The following CNTN1 variants were observed in gnomAD, a reference collection of about 807,000 sequenced individuals.
The protein encoded by CNTN1 is contactin-1.
A neutral mutation model predicts 126.4 loss-of-function variants in CNTN1; 38 were observed. The ratio of observed to expected loss-of-function variants is 0.30; its 90% CI spans 0.23 to 0.39. The LOEUF (loss-of-function observed/expected upper bound fraction) is 0.39. CNTN1 is among the 10% of genes least tolerant of loss of function. CNTN1 has a pLI of 1.00. For missense variants in CNTN1, 1,009 were observed against 1,248.4 expected (o/e 0.81, Z 2.89); for synonymous variants, 413 against 422.6 (o/e 0.98, Z 0.28).
At chr12:40,952,708 T>C (rs1355899017) in intron 14 of CNTN1, among the ~76,000 whole-genome samples, 2 of 152,142 alleles carry the variant, frequency 1.3e-5, no homozygotes, top group Admixed American at 6.6e-5. Context: ...TTAACCCTAA[T>C]TAAATATCTG....
intron 14 of CNTN1, among the ~76,000 whole-genome samples, chr12:40,952,699 T>A (rs528744487): frequency 6.6e-6 from 1 of 152,238 alleles, no homozygotes; most frequent in South Asian, 2.1e-4. Context: ...GACACCTAGT[T>A]AACCCTAATT....
chr12:40,973,114 G>T (rs1034824705), intron 15 of CNTN1, among the ~76,000 whole-genome samples: 4 of 151,984 alleles, frequency 2.6e-5, no homozygotes, highest in Non-Finnish European at 5.9e-5. Context: ...AATTATACAG[G>T]TTCATTTATC....
At chr12:40,867,783 A>G (rs539798062) in intron 1 of CNTN1, among the ~76,000 whole-genome samples, 2 of 152,130 alleles carry the variant, frequency 1.3e-5, no homozygotes, top group Admixed American at 1.3e-4. Context: ...TTTACTTTGA[A>G]TGAATTTTTT....
At chr12:41,040,566 T>C (rs1234025347) in intron 23 of CNTN1, among the ~76,000 whole-genome samples, 1 of 152,166 alleles carries the variant, frequency 6.6e-6, no homozygotes, top group East Asian at 1.9e-4. Flanking sequence ...TTCTTCCATT[T>C]CTTTGTATCC....
intron 1 of CNTN1, among the ~76,000 whole-genome samples, chr12:40,805,008 C>CA (rs1230893851): frequency 6.6e-6 from 1 of 151,904 alleles, no homozygotes; most frequent in Admixed American, 6.6e-5. Context: ...CAGTTACTGA[C>CA]AAAAAAGTCT....
intron 7 of CNTN1, among the ~76,000 whole-genome samples, chr12:40,931,284 C>T (rs1406787737): frequency 1.3e-5 from 2 of 151,966 alleles, no homozygotes; most frequent in South Asian, 2.1e-4. Context: ...CCTCTTCTGC[C>T]TTTCATGAAC....
intron 17 of CNTN1, among the ~76,000 whole-genome samples, chr12:41,003,132 T>C (rs1948406883): frequency 1.3e-5 from 2 of 152,212 alleles, no homozygotes; most frequent in South Asian, 4.1e-4. Context: ...ATACCTAGTA[T>C]ATTGACAGTT....
chr12:41,033,362 C>A (rs166805), intron 23 of CNTN1, among the ~76,000 whole-genome samples: 25,069 of 151,918 alleles, frequency 0.17, 2,963 homozygotes, highest in African/African-American at 0.33. Context: ...TATTAATTTC[C>A]ATAAGCTAAT....
At chr12:40,898,766 C>T (rs760516099) in intron 1 of CNTN1, among the ~76,000 whole-genome samples, 2 of 152,216 alleles carry the variant, frequency 1.3e-5, no homozygotes, top group Non-Finnish European at 2.9e-5. Flanking sequence ...TCATCAGTCT[C>T]ATTCTCCCTT....
At chr12:40,958,260 G>A (rs1458769135) in intron 14 of CNTN1, among the ~76,000 whole-genome samples, 1 of 151,346 alleles carries the variant, frequency 6.6e-6, no homozygotes, top group East Asian at 1.9e-4. Context: ...TATCTCATAG[G>A]GCAGTTGTCA....
At chr12:40,810,974 G>A (rs554274129) in intron 1 of CNTN1, among the ~76,000 whole-genome samples, 1 of 152,288 alleles carries the variant, frequency 6.6e-6, no homozygotes, top group East Asian at 1.9e-4. Context: ...CTGTACTCCA[G>A]CCTGGGTGAC....
At chr12:40,992,681 C>A (rs1213195603) in intron 16 of CNTN1, among the ~76,000 whole-genome samples, 1 of 152,094 alleles carries the variant, frequency 6.6e-6, no homozygotes, top group Admixed American at 6.6e-5. Context: ...TTAACCTTTT[C>A]TACCTAGTTA....
At chr12:40,750,217 G>A (rs1246818999) in intron 1 of CNTN1, among the ~76,000 whole-genome samples, 1 of 152,068 alleles carries the variant, frequency 6.6e-6, no homozygotes, top group Non-Finnish European at 1.5e-5. Flanking sequence ...TTCTAAGATG[G>A]AAAGTTTTTT....
intron 1 of CNTN1, among the ~76,000 whole-genome samples, chr12:40,901,123 C>G (rs1174924775): frequency 6.6e-6 from 1 of 152,194 alleles, no homozygotes; most frequent in Non-Finnish European, 1.5e-5. Flanking sequence ...TCTCACATTT[C>G]TAGAGCTGTA....
chr12:40,937,584 A>T lies in CNTN1; in HGVS notation c.1125A>T (p.Glu375Asp). ...LKNGYAYHKG[E>D]LRLYDVTFEN... Reference sequence around the variant, plus strand: ...ATTCTTTTCAGTATCATAAAGGGGAATTAAGACTGTATGATGTGACTTTTG... The same window carrying T: ...ATTCTTTTCAGTATCATAAAGGGGATTTAAGACTGTATGATGTGACTTTTG... The change falls in exon 11 of 24, where the codon GAA becomes GAT. Residue 375 changes from glutamate to aspartate, a missense_variant. Glu to Asp is a conservative substitution (Grantham distance 45). Transcript: ENST00000551295. The T allele has an allele frequency of 1.9e-6, 3 of 1,600,504 alleles. No homozygotes were observed. The highest frequency in any genetic ancestry group is 2.6e-6 in the Non-Finnish European group (3 of 1,167,732).
At chr12:41,060,788 A>G (rs691608) in intron 23 of CNTN1, among the ~76,000 whole-genome samples, 95,413 of 152,028 alleles carry the variant, frequency 0.63, 31,271 homozygotes, top group African/African-American at 0.82. Flanking sequence ...ACATAATTCT[A>G]TGTATTCTAT....
chr12:40,900,194 A>T (rs761332283), intron 1 of CNTN1, among the ~76,000 whole-genome samples: 1 of 152,186 alleles, frequency 6.6e-6, no homozygotes, highest in Non-Finnish European at 1.5e-5. Context: ...TTGGATTTAT[A>T]ATTAAATTAA....
intron 1 of CNTN1, among the ~76,000 whole-genome samples, chr12:40,751,206 T>A (rs1458705352): frequency 3.3e-5 from 5 of 152,116 alleles, no homozygotes; most frequent in Non-Finnish European, 7.4e-5. Context: ...AGAAGAGTGA[T>A]GGGTTTGAAA....
At chr12:40,918,609 C>T (rs1490667030) in intron 3 of CNTN1, 30 bp from the exon 4 acceptor site, 2 of 1,602,974 alleles carry the variant, frequency 1.2e-6, no homozygotes, top group South Asian at 1.1e-5. Context: ...TAAAGCAGTA[C>T]AATGTAAAAC....
Sources: gnomAD v4.1 joint callset for allele counts (sites outside exome capture counted in the v4.1 genomes callset) on GRCh38, gnomAD v4.1.1 for gene constraint, MANE v1.5 for transcripts, NCBI Gene and HGNC (gene_info 2026-07-23, HGNC 2026-07-21) for gene names.